Variants in FAM13A observed in about 807,000 individuals in gnomAD.
FAM13A encodes protein FAM13A.
A neutral mutation model predicts 129.6 loss-of-function variants in FAM13A; 76 were observed. The observed-to-expected ratio is 0.59, with a 90% CI of 0.49 to 0.71. The LOEUF (loss-of-function observed/expected upper bound fraction) is 0.71. Ranked by LOEUF, FAM13A falls within the 30% of genes least tolerant of loss-of-function variation. The probability of loss-of-function intolerance (pLI) is 0.00; values close to 1 mark genes in which losing one functional copy is unlikely to be tolerated. For missense variants in FAM13A, 1,108 were observed against 1,249.3 expected (o/e 0.89, Z 1.70); for synonymous variants, 443 against 449.9 (o/e 0.98, Z 0.20).
intron 6 of FAM13A, among the ~76,000 whole-genome samples, chr4:88,878,213 G>A (rs918536600): frequency 2.7e-5 from 4 of 148,498 alleles, no homozygotes; most frequent in East Asian, 4.0e-4. Flanking sequence ...GTGTGAACCC[G>A]GGAGGCGGAG....
At chr4:89,051,693 C>A (rs1771609616) in intron 1 of FAM13A, among the ~76,000 whole-genome samples, 1 of 152,090 alleles carries the variant, frequency 6.6e-6, no homozygotes, top group South Asian at 2.1e-4. Context: ...GAAATCAAAC[C>A]AGTTACGTGC....
rs190467722 is a variant in FAM13A, at chr4:88,941,899, T to C, written c.606-3658A>G. On this transcript the variant is annotated intron_variant, in intron 4 of 23. Transcript: ENST00000264344. ...GATGCAGTTTTTAAGGTAACTGCCG[T>C]CAGTTGCTCTAAGTGGTTATTACTG... 2.2e-4 allele frequency among the ~76,000 whole-genome samples: 34 copies of C among 152,314 alleles called. No individual in the cohort carries two copies. The Middle Eastern group carries it at 0.01, about 46-fold the overall frequency.
chr4:88,960,971 G>A (rs886567630), intron 4 of FAM13A, among the ~76,000 whole-genome samples: 14 of 152,168 alleles, frequency 9.2e-5, no homozygotes, highest in African/African-American at 3.4e-4. Flanking sequence ...AGCACAGAAA[G>A]TGCATTTGTA....
intron 7 of FAM13A, among the ~76,000 whole-genome samples, chr4:88,829,280 A>T (rs1391768933): frequency 6.6e-6 from 1 of 152,198 alleles, no homozygotes; most frequent in Non-Finnish European, 1.5e-5. Flanking sequence ...CATCCCTACA[A>T]AAAAGAAAAT....
intron 8 of FAM13A, among the ~76,000 whole-genome samples, chr4:88,800,664 G>A (rs540163451): frequency 3.2e-4 from 43 of 132,842 alleles, no homozygotes; most frequent in African/African-American, 1.2e-3. Flanking sequence ...CAGCCCGGGC[G>A]ACAGAGTGAG....
chr4:88,914,906 T>C (rs146664821), intron 5 of FAM13A, among the ~76,000 whole-genome samples: 5 of 152,340 alleles, frequency 3.3e-5, no homozygotes, highest in East Asian at 1.9e-4. Context: ...GGGAACAAGA[T>C]AATAACACAT....
chr4:88,836,600 G>A (rs965236077), intron 7 of FAM13A, among the ~76,000 whole-genome samples: 1 of 152,188 alleles, frequency 6.6e-6, no homozygotes, highest in African/African-American at 2.4e-5. Flanking sequence ...CCAGTTGTTA[G>A]AACTTGGCAA....
intron 6 of FAM13A, among the ~76,000 whole-genome samples, chr4:88,887,725 G>A (rs1172625245): frequency 6.6e-6 from 1 of 151,912 alleles, no homozygotes; most frequent in Non-Finnish European, 1.5e-5. Flanking sequence ...TAGAGACAGG[G>A]TTTCACTATG....
chr4:88,747,028 A>T lies in FAM13A; in HGVS notation c.2383-13T>A. ...CTTTGGTCATATCCTGTATAAACAC[A>T]GGGATAGAGAATTGAAAGAGAGGAA... On this transcript the variant is annotated splice_polypyrimidine_tract_variant and intron_variant, in intron 18 of 23. Coordinates refer to ENST00000264344, the MANE Select transcript of FAM13A (RefSeq NM_014883.4). 6.4e-7 allele frequency: 1 copy of T among 1,551,266 alleles called. No individual in the cohort carries two copies. Among genetic ancestry groups the T allele is most frequent in the Non-Finnish European group, 8.9e-7 (1 of 1,124,668 alleles).
intron 11 of FAM13A, among the ~76,000 whole-genome samples, chr4:88,776,870 A>G (rs1448280436): frequency 6.6e-6 from 1 of 152,148 alleles, no homozygotes; most frequent in Non-Finnish European, 1.5e-5. Context: ...GCTACTCAGG[A>G]GGCTGAGGCA....
At chr4:88,758,352 GAGGC>G (rs1431691919) in intron 14 of FAM13A, among the ~76,000 whole-genome samples, 1 of 152,094 alleles carries the variant, frequency 6.6e-6, no homozygotes, top group African/African-American at 2.4e-5. Context: ...TTTCATGAAA[GAGGC>G]AGGCGACTGG....
At chr4:88,852,389 T>G (rs1479904495) in intron 6 of FAM13A, among the ~76,000 whole-genome samples, 1 of 152,182 alleles carries the variant, frequency 6.6e-6, no homozygotes, top group East Asian at 1.9e-4. Context: ...CTCAAACTCC[T>G]GACTTCAAGT....
intron 6 of FAM13A, among the ~76,000 whole-genome samples, chr4:88,898,475 GA>G (rs919378652): frequency 6.6e-6 from 1 of 151,768 alleles, no homozygotes; most frequent in Admixed American, 6.6e-5. Flanking sequence ...TAATTTTCCA[GA>G]AAAAAATCAA....
At position 88,781,221 on chromosome 4, in the gene FAM13A, G is replaced by A. The variant is rs776585301; in HGVS notation, c.1402C>T (p.Arg468Cys). Reference protein sequence around the residue: ...GCAGERSKPKRQKSSTKLSEL... With the variant: ...GCAGERSKPKCQKSSTKLSEL... ...GAAAGTTTAGTACTGGATTTCTGAC[G>A]TTTAGGCTTGCTCCTTTCTCCAGCA... Residue 468 changes from arginine to cysteine, a missense_variant, in exon 11 of 24, where the codon CGT becomes TGT. Arg to Cys is a radical substitution (Grantham distance 180, BLOSUM62 -3). This residue lies in a region of FAM13A where 566 missense variants were observed against 595.7 expected (regional missense o/e 0.95). Transcript: ENST00000264344. The A allele has an allele frequency of 1.5e-5, 24 of 1,612,026 alleles. No individual in the cohort carries two copies. The highest frequency in any genetic ancestry group is 4.5e-5 in the East Asian group (2 of 44,776).
intron 5 of FAM13A, among the ~76,000 whole-genome samples, chr4:88,913,339 A>AGAGGAAGAAGAG (rs560623330): frequency 7.0e-6 from 1 of 142,242 alleles, no homozygotes; most frequent in African/African-American, 2.6e-5. Context: ...AAGAAGAAGA[A>AGAGGAAGAAGAG]GAGGAAGAAG....
rs144724432 is a variant in FAM13A at position 88,839,120 on chromosome 4, G to A, written c.1007+11900C>T. On this transcript the variant is annotated intron_variant, in intron 7 of 23. Transcript: ENST00000264344. ...TTTTGACATTCAGAATTCTAAAAAT[G>A]TTATACTGTGAAACCTCTTTTTTTA... is the stretch of plus-strand genomic sequence containing the variant. Among the ~76,000 whole-genome samples the A allele has an allele frequency of 9.2e-5, 14 of 152,110 alleles. No homozygotes were observed. In the East Asian group the frequency reaches 2.7e-3, roughly 29 times the overall value.
intron 2 of FAM13A, among the ~76,000 whole-genome samples, chr4:89,027,257 G>A (rs957463147): frequency 1.3e-5 from 2 of 152,048 alleles, no homozygotes; most frequent in African/African-American, 2.4e-5. Context: ...ATCTATAATC[G>A]AAGCTACTTA....
intron 5 of FAM13A, among the ~76,000 whole-genome samples, chr4:88,921,813 G>A (rs534990762): frequency 8.5e-5 from 13 of 152,132 alleles, no homozygotes; most frequent in South Asian, 2.1e-4. Flanking sequence ...CCCATCTCAC[G>A]TGCAGAGACA....
At chr4:88,970,446 T>A (rs1458560) in intron 4 of FAM13A, among the ~76,000 whole-genome samples, 1 of 150,448 alleles carries the variant, frequency 6.6e-6, no homozygotes, top group African/African-American at 2.4e-5. Context: ...GAGAGAGAGA[T>A]ATATATATAT....
Sources: allele counts gnomAD v4.1 joint callset (sites outside exome capture counted in the v4.1 genomes callset), GRCh38; gene constraint gnomAD v4.1.1; regional missense constraint gnomAD v4.1.1; transcripts MANE v1.5; gene names NCBI Gene and HGNC (gene_info 2026-07-23, HGNC 2026-07-21).